CENPP: variants seen among roughly 807,000 people sequenced by gnomAD.
CENPP encodes the protein centromere protein P.
CENPP carries 24 observed loss-of-function variants against 35.6 expected under a neutral mutation model. The observed-to-expected ratio is 0.67, with a 90% confidence interval of 0.49 to 0.95. The LOEUF is 0.95. Ranked by LOEUF, CENPP falls within the 40% of genes least tolerant of loss-of-function variation. The pLI is 0.00. For missense variants in CENPP, 332 were observed against 345.3 expected (o/e 0.96, Z 0.31); for synonymous variants, 120 against 125.5 (o/e 0.96, Z 0.29).
At chr9:92,562,617 C>T (rs1193233849) in intron 5 of CENPP, among the ~76,000 whole-genome samples, 1 of 152,092 alleles carries the variant, frequency 6.6e-6, no homozygotes, top group Non-Finnish European at 1.5e-5. Context: ...ACAGCCACAG[C>T]CTCCAGAACA....
intron 5 of CENPP, chr9:92,538,959 G>A (rs1849252458): frequency 6.6e-6 from 1 of 151,982 alleles, no homozygotes; most frequent in Non-Finnish European, 1.5e-5. Flanking sequence ...TTTTAAGGAT[G>A]CAATTGTCTA....
chr9:92,377,637 C>T (rs1842154137), intron 4 of CENPP, among the ~76,000 whole-genome samples: 1 of 152,250 alleles, frequency 6.6e-6, no homozygotes, highest in East Asian at 1.9e-4. Context: ...ATTCTGACAG[C>T]TATGCAGTAG....
At chr9:92,359,790 C>CT (rs113627157) in intron 4 of CENPP, among the ~76,000 whole-genome samples, 3,891 of 137,134 alleles carry the variant, frequency 0.028, 153 homozygotes, top group African/African-American at 0.092. Flanking sequence ...GGACAGGGTC[C>CT]TTTTTTTTTT....
At chr9:92,374,912 C>T (rs1200467605) in intron 4 of CENPP, among the ~76,000 whole-genome samples, 1 of 152,152 alleles carries the variant, frequency 6.6e-6, no homozygotes, top group Non-Finnish European at 1.5e-5. Context: ...TTTCTTGAAT[C>T]AGGGAATGTC....
chr9:92,449,429 T>C (rs1844637784), intron 5 of CENPP, among the ~76,000 whole-genome samples: 1 of 87,846 alleles, frequency 1.1e-5, no homozygotes. Flanking sequence ...TGAGCGAGAC[T>C]CTATCTCCAA....
At chr9:92,358,122 A>T (rs1588056744) in intron 4 of CENPP, among the ~76,000 whole-genome samples, 1 of 146,594 alleles carries the variant, frequency 6.8e-6, no homozygotes, top group African/African-American at 2.5e-5. Context: ...CAAATTTGGG[A>T]TGTTTTAACA....
intron 4 of CENPP, among the ~76,000 whole-genome samples, chr9:92,367,906 G>A (rs746207931): frequency 2.0e-5 from 3 of 152,188 alleles, no homozygotes; most frequent in Non-Finnish European, 2.9e-5. Flanking sequence ...GTGAGACAGC[G>A]CACCTGGCCT....
upstream of CENPP, chr9:92,325,874 C>T (rs565199698): frequency 8.3e-4 from 587 of 711,412 alleles, 12 homozygotes; most frequent in South Asian, 1.0e-2. Flanking sequence ...GCTCTCCCGC[C>T]TCCCCTCCGC....
chr9:92,421,495 T>C (rs1321005080), intron 5 of CENPP, among the ~76,000 whole-genome samples: 60 of 152,234 alleles, frequency 3.9e-4, no homozygotes, highest in Admixed American at 3.9e-3. Context: ...TAAGGAGTTA[T>C]GGTATCATAC....
intron 5 of CENPP, among the ~76,000 whole-genome samples, chr9:92,538,321 A>G (rs1003221789): frequency 6.6e-6 from 1 of 152,226 alleles, no homozygotes; most frequent in Non-Finnish European, 1.5e-5. Context: ...TACATGTATT[A>G]TGATCTTACC....
intron 5 of CENPP, among the ~76,000 whole-genome samples, chr9:92,442,347 G>A (rs1355645213): frequency 4.8e-5 from 7 of 146,116 alleles, no homozygotes; most frequent in African/African-American, 1.5e-4. Flanking sequence ...GCAGTGAGCC[G>A]AGGTCGCGCC....
At chr9:92,573,835 G>A (rs1005939744) in intron 5 of CENPP, among the ~76,000 whole-genome samples, 12 of 152,380 alleles carry the variant, frequency 7.9e-5, no homozygotes, top group Admixed American at 4.6e-4. Context: ...CCGCCTTGCA[G>A]TTGGATCTCA....
At chr9:92,457,762 CCAGAT>C (rs1844935977) in intron 5 of CENPP, among the ~76,000 whole-genome samples, 1 of 149,376 alleles carries the variant, frequency 6.7e-6, no homozygotes, top group African/African-American at 2.5e-5. Context: ...CTCTCTCTCT[CCAGAT>C]AGATAGATAG....
At chr9:92,482,703 A>G (rs1845952177) in intron 5 of CENPP, among the ~76,000 whole-genome samples, 1 of 152,252 alleles carries the variant, frequency 6.6e-6, no homozygotes, top group African/African-American at 2.4e-5. Context: ...TTTTAAAAAT[A>G]TTAGATTCTT....
chr9:92,352,510 C>T (rs56144295), intron 4 of CENPP, among the ~76,000 whole-genome samples: 1,520 of 49,772 alleles, frequency 0.031, 8 homozygotes, highest in Middle Eastern at 0.077. Context: ...TGTGTGTATA[C>T]ATATATATAT....
chr9:92,567,590 CT>C (rs1850027355), intron 5 of CENPP, among the ~76,000 whole-genome samples: 1 of 151,650 alleles, frequency 6.6e-6, no homozygotes, highest in Admixed American at 6.6e-5. Flanking sequence ...AGTCTAAAAG[CT>C]AATATTATAA....
At chr9:92,338,267 G>A (rs1315786278) in intron 3 of CENPP, among the ~76,000 whole-genome samples, 2 of 152,010 alleles carry the variant, frequency 1.3e-5, no homozygotes, top group Non-Finnish European at 2.9e-5. Context: ...AGCTGTGATT[G>A]TGCCACTGTA....
chr9:92,587,988 G>T (rs1488529664), intron 5 of CENPP, among the ~76,000 whole-genome samples: 5 of 151,672 alleles, frequency 3.3e-5, no homozygotes, highest in African/African-American at 1.2e-4. Flanking sequence ...AGCTGGGCAT[G>T]TTGGAGCCAG....
chr9:92,569,815 C>T, intron 5 of CENPP, among the ~76,000 whole-genome samples: 1 of 152,054 alleles, frequency 6.6e-6, no homozygotes, highest in Non-Finnish European at 1.5e-5. Flanking sequence ...AAGTTGGATT[C>T]CTAGGTATTT....
Sources: allele counts gnomAD v4.1 joint callset (sites outside exome capture counted in the v4.1 genomes callset), GRCh38; gene constraint gnomAD v4.1.1; transcripts MANE v1.5; gene names NCBI Gene and HGNC (gene_info 2026-07-23, HGNC 2026-07-21).